The following PARD3 variants were observed in gnomAD, a reference collection of about 807,000 sequenced individuals.
The protein encoded by PARD3 is par-3 family cell polarity regulator.
A neutral mutation model predicts 155.4 loss-of-function variants in PARD3; 75 were observed. The observed-to-expected ratio is 0.48, with a 90% confidence interval of 0.40 to 0.58. The LOEUF (loss-of-function observed/expected upper bound fraction) is 0.58, where lower values mean the gene tolerates loss of function less well. Ranked by LOEUF, PARD3 falls within the 20% of genes least tolerant of loss-of-function variation. The probability of loss-of-function intolerance (pLI) is 0.00; values close to 1 mark genes in which losing one functional copy is unlikely to be tolerated. For synonymous variants in PARD3, 576 were observed against 610.5 expected (o/e 0.94, Z 0.83); for missense variants, 1,642 against 1,721.7 (o/e 0.95, Z 0.82).
At chr10:34,284,906 G>T (rs1956314867) in intron 20 of PARD3, among the ~76,000 whole-genome samples, 1 of 152,150 alleles carries the variant, frequency 6.6e-6, no homozygotes, top group African/African-American at 2.4e-5. Flanking sequence ...CAAACACACG[G>T]AACAAACCCA....
chr10:34,421,255 A>G (rs576875385), intron 5 of PARD3, among the ~76,000 whole-genome samples: 219 of 151,988 alleles, frequency 1.4e-3, no homozygotes, highest in Non-Finnish European at 2.5e-3. Flanking sequence ...ACTAGCATTT[A>G]CTAGTTATTA....
intron 2 of PARD3, among the ~76,000 whole-genome samples, chr10:34,561,963 C>A (rs1214565885): frequency 2.0e-5 from 3 of 150,998 alleles, no homozygotes; most frequent in Non-Finnish European, 4.4e-5. Context: ...GAAACCCCAT[C>A]TCTACTAAAA....
chr10:34,541,623 GA>G (rs1564825571), intron 2 of PARD3, among the ~76,000 whole-genome samples: 1 of 152,154 alleles, frequency 6.6e-6, no homozygotes, highest in African/African-American at 2.4e-5. Flanking sequence ...AGATTATAGG[GA>G]GGAGGCCCCT....
chr10:34,673,621 C>A (rs1001177889), intron 2 of PARD3, among the ~76,000 whole-genome samples: 8 of 152,168 alleles, frequency 5.3e-5, no homozygotes, highest in Non-Finnish European at 1.0e-4. Flanking sequence ...GTAGCCAACA[C>A]CACCTTTTCT....
intron 2 of PARD3, among the ~76,000 whole-genome samples, chr10:34,634,078 T>G (rs1217073207): frequency 6.6e-6 from 1 of 152,118 alleles, no homozygotes; most frequent in Non-Finnish European, 1.5e-5. Context: ...AGCTACACAA[T>G]GGCAGGAATA....
chr10:34,460,707 C>T (rs2077592563), intron 4 of PARD3, among the ~76,000 whole-genome samples: 1 of 152,048 alleles, frequency 6.6e-6, no homozygotes, highest in East Asian at 1.9e-4. Context: ...GTGGCAGGCA[C>T]CTGTAGTCCC....
chr10:34,217,707 T>C (rs16935236), intron 22 of PARD3, among the ~76,000 whole-genome samples: 2,256 of 152,224 alleles, frequency 0.015, 51 homozygotes, highest in African/African-American at 0.051. Flanking sequence ...AAGGGTGAGA[T>C]GCTTTTGGAT....
At chr10:34,199,106 A>C (rs1355991802) in intron 22 of PARD3, among the ~76,000 whole-genome samples, 1 of 152,146 alleles carries the variant, frequency 6.6e-6, no homozygotes, top group African/African-American at 2.4e-5. Context: ...GGATCCAATA[A>C]GATGGAGCTC....
intron 19 of PARD3, among the ~76,000 whole-genome samples, chr10:34,327,898 G>A (rs1835204907): frequency 6.6e-6 from 1 of 152,140 alleles, no homozygotes; most frequent in South Asian, 2.1e-4. Flanking sequence ...TGTTGGACAT[G>A]CAGCCAGGGG....
intron 7 of PARD3, 137 bp from the exon 8 acceptor site, chr10:34,384,391 T>C: frequency 1.2e-6 from 1 of 831,432 alleles, no homozygotes. Context: ...TCATACATTT[T>C]TAAATGACAG....
chr10:34,366,972 C>T (rs778825778), intron 12 of PARD3, among the ~76,000 whole-genome samples: 1 of 152,098 alleles, frequency 6.6e-6, no homozygotes, highest in African/African-American at 2.4e-5. Flanking sequence ...TTTTCTAATT[C>T]GAATGGTAGA....
At chr10:34,465,462 C>A (rs1437258614) in intron 4 of PARD3, among the ~76,000 whole-genome samples, 1 of 152,086 alleles carries the variant, frequency 6.6e-6, no homozygotes, top group East Asian at 1.9e-4. Context: ...GCATCTCTTA[C>A]AAGTGGTTGT....
chr10:34,168,115 T>A (rs941360194), intron 22 of PARD3, among the ~76,000 whole-genome samples: 15 of 152,288 alleles, frequency 9.8e-5, no homozygotes, highest in African/African-American at 3.4e-4. Flanking sequence ...ACTGTAACAT[T>A]CATTTTATAG....
At chr10:34,577,801 C>T (rs780880001) in intron 2 of PARD3, among the ~76,000 whole-genome samples, 6 of 151,978 alleles carry the variant, frequency 3.9e-5, no homozygotes, top group Non-Finnish European at 5.9e-5. Flanking sequence ...TTTATGCTGA[C>T]CAGGCATAGA....
intron 2 of PARD3, among the ~76,000 whole-genome samples, chr10:34,592,781 T>C (rs968594051): frequency 2.0e-5 from 3 of 151,978 alleles, no homozygotes; most frequent in East Asian, 1.9e-4. Context: ...TCTCAAAAAC[T>C]ATATAATAAT....
At chr10:34,575,749 A>G (rs2086831240) in intron 2 of PARD3, among the ~76,000 whole-genome samples, 1 of 152,110 alleles carries the variant, frequency 6.6e-6, no homozygotes, top group South Asian at 2.1e-4. Context: ...TACAAAAGTT[A>G]GCTGGACATG....
intron 2 of PARD3, among the ~76,000 whole-genome samples, chr10:34,653,029 C>G (rs2093060822): frequency 6.6e-6 from 1 of 152,012 alleles, no homozygotes; most frequent in African/African-American, 2.4e-5. Context: ...CAAAAAACAA[C>G]AACAACAACA....
intron 2 of PARD3, among the ~76,000 whole-genome samples, chr10:34,554,578 C>T (rs1455610145): frequency 6.6e-6 from 1 of 152,096 alleles, no homozygotes; most frequent in Admixed American, 6.6e-5. Context: ...TTTCTCATAA[C>T]TCAAAGACTT....
chr10:34,359,858 T>C (rs1839271208), intron 13 of PARD3, among the ~76,000 whole-genome samples: 1 of 152,196 alleles, frequency 6.6e-6, no homozygotes, highest in Admixed American at 6.5e-5. Flanking sequence ...GTCAATGGGT[T>C]GTATGTTCTG....
Sources: allele counts gnomAD v4.1 joint callset (sites outside exome capture counted in the v4.1 genomes callset), GRCh38; gene constraint gnomAD v4.1.1; transcripts MANE v1.5; gene names NCBI Gene and HGNC (gene_info 2026-07-23, HGNC 2026-07-21).